The following HMGA2 variants were observed in gnomAD, a reference collection of about 807,000 sequenced individuals.
HMGA2 encodes high mobility group AT-hook 2, also known as high mobility group protein HMGI-C.
HMGA2 carries 8 observed loss-of-function variants against 19.1 expected under a neutral mutation model. The ratio of observed to expected loss-of-function variants is 0.42; its 90% CI spans 0.25 to 0.76. The LOEUF is 0.76. HMGA2 is among the 30% of genes least tolerant of loss of function. HMGA2 has a pLI of 0.28. For synonymous variants in HMGA2, 60 were observed against 48.8 expected, an observed-to-expected ratio of 1.23 and a Z score of -0.96; for missense variants, 109 against 136.3, an observed-to-expected ratio of 0.80 and a Z score of 1.00.
chr12:65,952,894 T>A (rs945414366), intron 4 of HMGA2: 1 of 157,940 alleles, frequency 6.3e-6, no homozygotes, highest in African/African-American at 2.4e-5. Context: ...AAACAGTCAC[T>A]GCATCTGAGA....
At chr12:65,874,578 T>C (rs1405091399) in intron 3 of HMGA2, among the ~76,000 whole-genome samples, 1 of 152,194 alleles carries the variant, frequency 6.6e-6, no homozygotes, top group Non-Finnish European at 1.5e-5. Flanking sequence ...TCTAGGGTTG[T>C]TGAAGTGAGT....
rs971383978 is a variant in HMGA2 at position 65,829,238 on chromosome 12, C to G, written c.198+1151C>G. 4.9e-4 allele frequency among the ~76,000 whole-genome samples: 74 copies of G among 152,088 alleles called. 1 individual carries two copies. The highest frequency in any genetic ancestry group is 1.7e-3 in the African/African-American group (70 of 41,528). ...TTAGGAAGTTACTCTGAGTTCTTGT[C>G]TGTTTTAACAGTTTTGAACAGAGTT... On this transcript the variant is annotated intron_variant, in intron 2 of 4. Coordinates refer to ENST00000403681, the MANE Select transcript of HMGA2 (RefSeq NM_003483.6).
intron 3 of HMGA2, among the ~76,000 whole-genome samples, chr12:65,883,779 A>G (rs1199007188): frequency 1.3e-5 from 2 of 152,214 alleles, no homozygotes; most frequent in African/African-American, 2.4e-5. Context: ...ATTAAAATCA[A>G]TGTACCAGTT....
At chr12:65,910,400 C>T (rs1048176085) in intron 3 of HMGA2, among the ~76,000 whole-genome samples, 6 of 152,164 alleles carry the variant, frequency 3.9e-5, no homozygotes, top group African/African-American at 7.2e-5. Flanking sequence ...CACTGCTGAC[C>T]GAGGTACTGC....
intron 4 of HMGA2, chr12:65,958,852 A>T (rs965908851): frequency 3.3e-5 from 5 of 151,528 alleles, no homozygotes; most frequent in Non-Finnish European, 7.4e-5. Flanking sequence ...CTTTGCAGTT[A>T]AGAAAAAAAA....
Position 65,943,078 on chromosome 12 carries a change from A to G in HMGA2, c.250-8305A>G, listed in dbSNP as rs546336991. Among the ~76,000 whole-genome samples, 18 of 152,300 alleles carry G rather than the reference A, an allele frequency of 1.2e-4. 1 individual carries two copies. In the East Asian group the frequency reaches 2.7e-3, roughly 23 times the overall value. ...TAAGAAAACATTGTAGGAAAAAAAT[A>G]TTAATCTAAAATTGTACATTGTACT... is the stretch of plus-strand genomic sequence containing the variant. On this transcript the variant is annotated intron_variant, in intron 3 of 4. Coordinates refer to ENST00000403681, the MANE Select transcript of HMGA2 (RefSeq NM_003483.6).
Position 65,825,368 on chromosome 12 carries a change from G to C in HMGA2, c.98G>C (p.Arg33Thr). 6.5e-7 allele frequency: 1 copy of C among 1,531,948 alleles called. No individual in the cohort carries two copies. The highest frequency in any genetic ancestry group is 8.7e-7 in the Non-Finnish European group (1 of 1,143,266). 94.9% of individuals were successfully genotyped at this position (1,531,948 alleles called of 1,614,324 possible). A position where few individuals can be genotyped will look rare whatever the true frequency, so the allele number is the denominator to read the frequency against. ...APQKRGRGRP[R>T]KQQQEPTGEP... ...CAGAAGAGAGGACGCGGCCGCCCCA[G>C]GAAGCAGCAGCAAGTCAGTACGAGG... Residue 33 changes from arginine to threonine, a missense_variant, in exon 1 of 5, where the codon AGG becomes ACG. Arg to Thr is a moderately conservative substitution (Grantham distance 71, BLOSUM62 -1). Transcript: ENST00000403681. This position sits in a 1 kb window ranked among gnomAD's most constrained non-coding sequence, Gnocchi z 4.4.
At chr12:65,865,863 C>T (rs1018407612) in intron 3 of HMGA2, among the ~76,000 whole-genome samples, 5 of 150,554 alleles carry the variant, frequency 3.3e-5, no homozygotes, top group African/African-American at 1.2e-4. Flanking sequence ...AGGATGGTGT[C>T]GATCTCCTGA....
chr12:65,839,614 A>G (rs1409166678), intron 3 of HMGA2, among the ~76,000 whole-genome samples: 1 of 151,904 alleles, frequency 6.6e-6, no homozygotes, highest in Admixed American at 6.6e-5. Flanking sequence ...TCTGCTCAAC[A>G]TGTGTTGGGA....
At chr12:65,916,090 T>TAGGCCC (rs1369132667) in intron 3 of HMGA2, among the ~76,000 whole-genome samples, 2 of 152,174 alleles carry the variant, frequency 1.3e-5, no homozygotes, top group African/African-American at 4.8e-5. Flanking sequence ...CCTTTTATAC[T>TAGGCCC]AGGCCCACAA....
At chr12:65,911,395 T>TA (rs1874839835) in intron 3 of HMGA2, among the ~76,000 whole-genome samples, 1 of 152,176 alleles carries the variant, frequency 6.6e-6, no homozygotes, top group Non-Finnish European at 1.5e-5. Context: ...ATCAGCCTTC[T>TA]AAAAACCTTA....
chr12:65,930,914 A>G (rs1280758551), intron 3 of HMGA2, among the ~76,000 whole-genome samples: 1 of 152,232 alleles, frequency 6.6e-6, no homozygotes, highest in Non-Finnish European at 1.5e-5. Flanking sequence ...GAAAAGGGAT[A>G]TGGTGCAGCT....
chr12:65,939,884 G>C lies in HMGA2; in HGVS notation c.250-11499G>C, dbSNP rs78745535. On this transcript the variant is annotated intron_variant, in intron 3 of 4. Transcript: ENST00000403681. ...GGAAGGGGAGAGATGTGATTATGTA[G>C]ATGGGCCTACATCATTATGGGAAAG... Among the ~76,000 whole-genome samples the C allele has an allele frequency of 7.7e-4, 117 of 152,304 alleles. 1 individual carries two copies. The East Asian group carries it at 0.016, about 21-fold the overall frequency.
chr12:65,901,904 C>T (rs775213370), intron 3 of HMGA2, among the ~76,000 whole-genome samples: 9 of 151,954 alleles, frequency 5.9e-5, no homozygotes, highest in Admixed American at 1.3e-4. Context: ...CTAAGAAACA[C>T]GATCTCCACC....
chr12:65,890,703 A>G (rs971663240), intron 3 of HMGA2, among the ~76,000 whole-genome samples: 1 of 150,288 alleles, frequency 6.7e-6, no homozygotes, highest in African/African-American at 2.5e-5. Flanking sequence ...TGAGAGGACT[A>G]TTTTACCGCT....
At chr12:65,887,807 T>C (rs1052335260) in intron 3 of HMGA2, among the ~76,000 whole-genome samples, 4 of 152,004 alleles carry the variant, frequency 2.6e-5, no homozygotes, top group Admixed American at 2.6e-4. Flanking sequence ...AAGGATTCTT[T>C]GGAGTTGCGT....
intron 4 of HMGA2, 70 bp from the exon 5 acceptor site, chr12:65,963,175 C>A: frequency 7.0e-7 from 1 of 1,431,210 alleles, no homozygotes; most frequent in South Asian, 1.1e-5. Context: ...GTTACCTCTG[C>A]ACTGTTGGCA....
chr12:65,953,182 A>AT (rs1392250161), intron 4 of HMGA2: 2 of 152,056 alleles, frequency 1.3e-5, no homozygotes, highest in Non-Finnish European at 2.9e-5. Context: ...GATCCATCAT[A>AT]TTTTTTATGA....
chr12:65,926,264 G>C (rs1875501895), intron 3 of HMGA2, among the ~76,000 whole-genome samples: 1 of 152,180 alleles, frequency 6.6e-6, no homozygotes, highest in Non-Finnish European at 1.5e-5. Flanking sequence ...GCTTCAACAG[G>C]GGCAAAGTCT....
Sources: allele counts gnomAD v4.1 joint callset (sites outside exome capture counted in the v4.1 genomes callset), GRCh38; gene constraint gnomAD v4.1.1; non-coding constraint Gnocchi (gnomAD v3.1); transcripts MANE v1.5; gene names NCBI Gene and HGNC (gene_info 2026-07-23, HGNC 2026-07-21).